USP12: variants seen among roughly 807,000 people sequenced by gnomAD.
USP12 encodes the protein ubiquitin carboxyl-terminal hydrolase 12.
A neutral mutation model predicts 45.5 loss-of-function variants in USP12; 19 were observed. That is an observed-to-expected ratio of 0.42 (90% CI 0.29 to 0.61). USP12 has a LOEUF of 0.61. Ranked by LOEUF, USP12 falls within the 20% of genes least tolerant of loss-of-function variation. The pLI, the probability that USP12 is intolerant of heterozygous loss-of-function variation, is 0.22. For synonymous variants in USP12, 149 were observed against 148.8 expected, an observed-to-expected ratio of 1.00 and a Z score of -0.01; for missense variants, 242 against 447.7, an observed-to-expected ratio of 0.54 and a Z score of 4.15.
intron 1 of USP12, among the ~76,000 whole-genome samples, chr13:27,136,552 A>T (rs1876814914): frequency 6.6e-6 from 1 of 152,180 alleles, no homozygotes; most frequent in African/African-American, 2.4e-5. Context: ...CAAAAAAGTG[A>T]AATTCTTCTT....
chr13:27,079,610 C>G (rs1873656581), intron 6 of USP12, among the ~76,000 whole-genome samples: 1 of 152,138 alleles, frequency 6.6e-6, no homozygotes, highest in Non-Finnish European at 1.5e-5. Flanking sequence ...GAATGCAGAC[C>G]CTGGAATCCA....
At chr13:27,131,184 A>T (rs1340026766) in intron 1 of USP12, among the ~76,000 whole-genome samples, 1 of 152,248 alleles carries the variant, frequency 6.6e-6, no homozygotes. Flanking sequence ...TGGGTACATT[A>T]CAAAGAAGAA....
At chr13:27,114,325 G>A (rs1299405492) in intron 2 of USP12, among the ~76,000 whole-genome samples, 1 of 152,174 alleles carries the variant, frequency 6.6e-6, no homozygotes, top group Non-Finnish European at 1.5e-5. Flanking sequence ...GTACTAACCA[G>A]CTACAATATA....
chr13:27,122,421 T>C (rs1876035726), intron 1 of USP12, among the ~76,000 whole-genome samples: 1 of 152,152 alleles, frequency 6.6e-6, no homozygotes, highest in Non-Finnish European at 1.5e-5. Flanking sequence ...TAAAACTCTT[T>C]TTCTTCACGG....
chr13:27,077,164 C>T (rs976137681), intron 6 of USP12: 2 of 152,010 alleles, frequency 1.3e-5, no homozygotes, highest in Admixed American at 6.6e-5. Flanking sequence ...TAAGAAAATA[C>T]TTAAGAAGTC....
intron 8 of USP12, among the ~76,000 whole-genome samples, chr13:27,070,636 C>G (rs560630633): frequency 6.6e-6 from 1 of 152,100 alleles, no homozygotes; most frequent in Admixed American, 6.5e-5. Flanking sequence ...TCACCACAAC[C>G]TCCGCCTCCC....
At chr13:27,135,511 G>A (rs921681145) in intron 1 of USP12, among the ~76,000 whole-genome samples, 1 of 152,024 alleles carries the variant, frequency 6.6e-6, no homozygotes, top group Admixed American at 6.6e-5. Context: ...CCAGGAGTTC[G>A]AGACCAGCCT....
At chr13:27,139,303 C>T (rs1876946472) in intron 1 of USP12, among the ~76,000 whole-genome samples, 1 of 152,164 alleles carries the variant, frequency 6.6e-6, no homozygotes, top group South Asian at 2.1e-4. Flanking sequence ...TACATACTAG[C>T]ATCAAATTGT....
intron 2 of USP12, among the ~76,000 whole-genome samples, chr13:27,112,231 G>A (rs1256730674): frequency 6.6e-6 from 1 of 151,526 alleles, no homozygotes; most frequent in East Asian, 1.9e-4. Context: ...ATAATTAAAT[G>A]AATCATCACA....
At chr13:27,116,926 G>C (rs1169041283) in intron 1 of USP12, among the ~76,000 whole-genome samples, 2 of 152,104 alleles carry the variant, frequency 1.3e-5, no homozygotes, top group East Asian at 3.9e-4. Context: ...AGAACGCTCT[G>C]ATGTTCGCAT....
At chr13:27,135,343 C>G (rs1363683331) in intron 1 of USP12, among the ~76,000 whole-genome samples, 1 of 152,184 alleles carries the variant, frequency 6.6e-6, no homozygotes, top group African/African-American at 2.4e-5. Context: ...ATCGTAACAA[C>G]ATTTATAAAT....
chr13:27,133,152 C>A (rs971897835), intron 1 of USP12, among the ~76,000 whole-genome samples: 1 of 152,178 alleles, frequency 6.6e-6, no homozygotes, highest in African/African-American at 2.4e-5. Flanking sequence ...TAGGAATCCT[C>A]AAAAATATCT....
At chr13:27,170,969 G>C (rs1216480818) in intron 1 of USP12, among the ~76,000 whole-genome samples, 1 of 152,178 alleles carries the variant, frequency 6.6e-6, no homozygotes, top group African/African-American at 2.4e-5. Flanking sequence ...CCCCCAGCGC[G>C]GGGTCGGGGA....
chr13:27,144,265 A>C (rs1877204922), intron 1 of USP12, among the ~76,000 whole-genome samples: 2 of 152,100 alleles, frequency 1.3e-5, no homozygotes, highest in Non-Finnish European at 2.9e-5. Context: ...TGGGAGACCA[A>C]GGTGGAAGCA....
intron 2 of USP12, among the ~76,000 whole-genome samples, chr13:27,114,858 T>G (rs1366236661): frequency 6.6e-6 from 1 of 151,748 alleles, no homozygotes; most frequent in African/African-American, 2.4e-5. Context: ...CATGGTGGTG[T>G]GTGCCTGTGG....
chr13:27,151,255 C>T (rs182041847), intron 1 of USP12, among the ~76,000 whole-genome samples: 173 of 152,036 alleles, frequency 1.1e-3, no homozygotes, highest in Non-Finnish European at 1.9e-3. Flanking sequence ...CATTTGAACA[C>T]GGGAGGTGGA....
intron 4 of USP12, among the ~76,000 whole-genome samples, chr13:27,094,110 C>T (rs1364012379): frequency 6.6e-6 from 1 of 150,680 alleles, no homozygotes; most frequent in African/African-American, 2.4e-5. Flanking sequence ...CATGCTAAAT[C>T]TTGGGTGAGA....
intron 1 of USP12, among the ~76,000 whole-genome samples, chr13:27,141,007 A>G (rs1208318127): frequency 6.8e-6 from 1 of 147,642 alleles, no homozygotes; most frequent in Non-Finnish European, 1.5e-5. Flanking sequence ...TTCAGTGTGA[A>G]GTCACTTTTT....
At chr13:27,156,300 A>G (rs906810229) in intron 1 of USP12, among the ~76,000 whole-genome samples, 3 of 152,220 alleles carry the variant, frequency 2.0e-5, no homozygotes, top group African/African-American at 7.2e-5. Context: ...ATGGAAGAAC[A>G]TGTTAAACAT....
Sources: allele counts gnomAD v4.1 joint callset (sites outside exome capture counted in the v4.1 genomes callset), GRCh38; gene constraint gnomAD v4.1.1; transcripts MANE v1.5; gene names NCBI Gene and HGNC (gene_info 2026-07-23, HGNC 2026-07-21).